Variants in PCDHB14 observed in about 807,000 individuals in gnomAD.
PCDHB14 encodes protocadherin beta-14.
For missense variants in PCDHB14, 1,129 were observed against 1,000.5 expected (o/e 1.13, Z -1.73); for synonymous variants, 511 against 441.5 (o/e 1.16, Z -1.97).
Position 141,225,593 on chromosome 5 carries a change from G to T in PCDHB14, c.2088G>T (p.Ser696=), listed in dbSNP as rs541318724. Residue 696 remains serine (S), a synonymous_variant, in exon 1 of 1, where the codon TCG becomes TCT. Transcript: ENST00000239449. ...LTVYLVVALA[S]VSSLFLFSVL... ...TCTACCTGGTGGTGGCATTGGCCTC[G>T]GTGTCGTCGCTCTTCCTCTTCTCGG... 7 of 1,611,416 alleles carry T rather than the reference G, an allele frequency of 4.3e-6. No homozygotes were observed. The highest frequency in any genetic ancestry group is 1.3e-5 in the African/African-American group (1 of 74,900).
Position 141,224,101 on chromosome 5 carries a change from C to G in PCDHB14, c.596C>G (p.Ala199Gly), listed in dbSNP as rs564196616. The change falls in exon 1 of 1, where the codon GCT becomes GGT. Residue 199 changes from alanine (A) to glycine (G), a missense_variant. Physicochemically the swap from Ala to Gly is moderately conservative, Grantham distance 60. Coordinates refer to ENST00000239449, the MANE Select transcript of PCDHB14 (RefSeq NM_018934.4). Reference sequence around the variant, plus strand: ...TACCCAGAGCTGGTCCTAGATAGAGCTTTAGATTATGAACAGGAAGCTGAA... The same window carrying G: ...TACCCAGAGCTGGTCCTAGATAGAGGTTTAGATTATGAACAGGAAGCTGAA... ...KIYPELVLDR[A>G]LDYEQEAELR... The G allele has an allele frequency of 6.2e-7, 1 of 1,613,982 alleles. No homozygotes were observed. The highest frequency in any genetic ancestry group is 8.5e-7 in the Non-Finnish European group (1 of 1,180,006).
Position 141,224,219 on chromosome 5 carries a change from T to A in PCDHB14, c.714T>A (p.Asn238Lys), listed in dbSNP as rs201611345. The change falls in exon 1 of 1, where the codon AAT becomes AAA. Residue 238 changes from asparagine (N) to lysine (K), a missense_variant. Coordinates refer to ENST00000239449, the MANE Select transcript of PCDHB14 (RefSeq NM_018934.4). ...TCAAGGTGTTGGACATCAATGATAA[T>A]GCCCCTGAGTTTCCTCAGAGTCTCT... Reference protein sequence around the residue: ...VLIKVLDINDNAPEFPQSLYE... With the variant: ...VLIKVLDINDKAPEFPQSLYE... 2.5e-6 allele frequency: 4 copies of A among 1,613,832 alleles called. No individual in the cohort carries two copies. Among genetic ancestry groups the A allele is most frequent in the Non-Finnish European group, 3.4e-6 (4 of 1,179,844 alleles).
In PCDHB14 at chr5:141,223,412, A is replaced by G; in HGVS notation, c.-94A>G. On this transcript the variant is annotated 5_prime_UTR_variant, in exon 1 of 1. Transcript: ENST00000239449. ...CGCCTACAGAGCTGCTGGAGGATAC[A>G]CTCTCCAGGGGGTTCCTGTTAAAAA... is the stretch of plus-strand genomic sequence containing the variant. 2.3e-6 allele frequency: 2 copies of G among 875,872 alleles called. No homozygotes were observed. Among genetic ancestry groups the G allele is most frequent in the Non-Finnish European group, 3.6e-6 (2 of 551,662 alleles). 54.3% of individuals were successfully genotyped at this position (875,872 alleles called of 1,614,324 possible). A position where few individuals can be genotyped will look rare whatever the true frequency, so the allele number is the denominator to read the frequency against.
rs1754850652 is a variant in PCDHB14, at chr5:141,225,876, A to G, written c.2371A>G (p.Asn791Asp). The G allele has an allele frequency of 1.2e-6, 2 of 1,613,716 alleles. No homozygotes were observed. The highest frequency in any genetic ancestry group is 2.2e-5 in the South Asian group (2 of 90,988). Reference sequence around the variant, plus strand: ...TATGGGGGAAATCGAGAACTTTCGAAATAGCTTTGGACTTAACATTCAATA... The same window carrying G: ...TATGGGGGAAATCGAGAACTTTCGAGATAGCTTTGGACTTAACATTCAATA... ...RNMGEIENFRNSFGLNIQ is the reference protein window; with the variant it reads ...RNMGEIENFRDSFGLNIQ The change falls in exon 1 of 1, where the codon AAT (asparagine) becomes GAT (aspartate). Residue 791 changes from asparagine (N) to aspartate (D), a missense_variant. Coordinates refer to ENST00000239449, the MANE Select transcript of PCDHB14 (RefSeq NM_018934.4).
chr5:141,223,598 A>C lies in PCDHB14; in HGVS notation c.93A>C (p.Ala31=). Residue 31 remains alanine, a synonymous_variant, in exon 1 of 1, where the codon GCA becomes GCC. Transcript: ENST00000239449. Reference sequence around the variant, plus strand: ...TGTCTCGGGCAGGTACTGAATCTGCACACTATTCTGTGGCAGAGGAAACAG... The same window carrying C: ...TGTCTCGGGCAGGTACTGAATCTGCCCACTATTCTGTGGCAGAGGAAACAG... ...LGLSRAGTES[A]HYSVAEETEI... is the part of the protein sequence containing the mutation. 1 of 1,614,128 alleles carries C rather than the reference A, an allele frequency of 6.2e-7. No homozygotes were observed. Among genetic ancestry groups the C allele is most frequent in the Non-Finnish European group, 8.5e-7 (1 of 1,179,960 alleles).
rs1754853027 is a variant in PCDHB14, at chr5:141,225,973, T to C, written c.*71T>C. ...TGATGGTACTTTTTGCATAATCTTT[T>C]GTGGATTCTTGGTTGTACTGTAGTT... On this transcript the variant is annotated 3_prime_UTR_variant, in exon 1 of 1. Coordinates refer to ENST00000239449, the MANE Select transcript of PCDHB14 (RefSeq NM_018934.4). 10 of 1,377,582 alleles carry C rather than the reference T, an allele frequency of 7.3e-6. No individual in the cohort carries two copies. The Admixed American group carries it at 1.2e-4, about 16-fold the overall frequency. The allele number at this position is 1,377,582 out of a possible 1,614,324, so 85.3% of individuals were successfully genotyped here.
In PCDHB14 at chr5:141,225,661, C is replaced by T. The variant is rs1754842208; in HGVS notation, c.2156C>T (p.Ala719Val). 1 of 1,613,654 alleles carries T rather than the reference C, an allele frequency of 6.2e-7. No individual in the cohort carries two copies. Among genetic ancestry groups the T allele is most frequent in the Non-Finnish European group, 8.5e-7 (1 of 1,180,034 alleles). Residue 719 changes from alanine to valine, a missense_variant, in exon 1 of 1, where the codon GCG becomes GTG. Ala to Val is a moderately conservative substitution (Grantham distance 64, BLOSUM62 0). Coordinates refer to ENST00000239449, the MANE Select transcript of PCDHB14 (RefSeq NM_018934.4). ...GTGCGGCTGTGCAGGAGGAGCAGGG[C>T]GGCCTCGGTGGGTCGCTGCTCGGTG... is the stretch of plus-strand genomic sequence containing the variant. ...VAVRLCRRSR[A>V]ASVGRCSVPE...
rs1437124515 is a variant in PCDHB14, at chr5:141,227,546, C to G, written c.*1644C>G. ...TGTACATATACATTTTGAAATTGCTCTTACAAGATTAAATACTATTATAGA... is the reference window on the plus strand; with the variant it reads ...TGTACATATACATTTTGAAATTGCTGTTACAAGATTAAATACTATTATAGA... On this transcript the variant is annotated 3_prime_UTR_variant, in exon 1 of 1. Transcript: ENST00000239449. The G allele has an allele frequency of 6.6e-6, 1 of 152,108 alleles. No individual in the cohort carries two copies. Among genetic ancestry groups the G allele is most frequent in the Non-Finnish European group, 1.5e-5 (1 of 68,012 alleles). 9.4% of individuals were successfully genotyped at this position (152,108 alleles called of 1,614,324 possible). A position where few individuals can be genotyped will look rare whatever the true frequency, so the allele number is the denominator to read the frequency against.
rs1157139664 is a variant in PCDHB14 at position 141,225,431 on chromosome 5, G to C, written c.1926G>C (p.Val642=). The change falls in exon 1 of 1, where the codon GTG becomes GTC. Residue 642 remains valine (V), a synonymous_variant. Transcript: ENST00000239449. Reference sequence around the variant, plus strand: ...ACGCGGCCAAGCACAGGCTGGTGGTGCTGGTCAAGGACAATGGCGAGCCTC... The same window carrying C: ...ACGCGGCCAAGCACAGGCTGGTGGTCCTGGTCAAGGACAATGGCGAGCCTC... The part of the protein sequence containing the change: ...ERDAAKHRLV[V]LVKDNGEPPR... The C allele has an allele frequency of 1.2e-6, 2 of 1,604,196 alleles. No homozygotes were observed. Among genetic ancestry groups the C allele is most frequent in the African/African-American group, 2.7e-5 (2 of 74,946 alleles).
chr5:141,224,026 C>A lies in PCDHB14; in HGVS notation c.521C>A (p.Pro174His), dbSNP rs373967174. The A allele has an allele frequency of 2.4e-5, 38 of 1,613,420 alleles. No individual in the cohort carries two copies. The highest frequency in any genetic ancestry group is 3.1e-5 in the Non-Finnish European group (37 of 1,179,776). ...SNSLQNYTISPNSHFYIKIPD... is the reference protein window; with the variant it reads ...SNSLQNYTISHNSHFYIKIPD... ...AGTCTCCAAAACTACACAATTAGCC[C>A]CAATTCTCACTTCTACATTAAAATT... Residue 174 changes from proline to histidine, a missense_variant, in exon 1 of 1, where the codon CCC (proline) becomes CAC (histidine). Coordinates refer to ENST00000239449, the MANE Select transcript of PCDHB14 (RefSeq NM_018934.4).
Position 141,227,688 on chromosome 5 carries a change from G to A in PCDHB14, c.*1786G>A, listed in dbSNP as rs879995781. ...GCAATTATCACTGATTTTATTTTTCGTTGTAACAAGTAGTTATTTGTTGTG... is the reference window on the plus strand; with the variant it reads ...GCAATTATCACTGATTTTATTTTTCATTGTAACAAGTAGTTATTTGTTGTG... On this transcript the variant is annotated 3_prime_UTR_variant, in exon 1 of 1. Coordinates refer to ENST00000239449, the MANE Select transcript of PCDHB14 (RefSeq NM_018934.4). The A allele has an allele frequency of 1.1e-4, 16 of 152,032 alleles. No homozygotes were observed. The highest frequency in any genetic ancestry group is 1.9e-4 in the East Asian group (1 of 5,172). The allele number at this position is 152,032 out of a possible 1,614,324, so 9.4% of individuals were successfully genotyped here. A position where few individuals can be genotyped will look rare whatever the true frequency, so the allele number is the denominator to read the frequency against.
rs1358058739 is a variant in PCDHB14, at chr5:141,223,556, C to T, written c.51C>T (p.Phe17=). The part of the protein sequence containing the change: ...LDLRKRQVLI[F]LVLLGLSRAG... ...TGCGAAAAAGGCAAGTTCTAATATT[C>T]CTTGTTTTGCTGGGATTGTCTCGGG... is the stretch of plus-strand genomic sequence containing the variant. Residue 17 remains phenylalanine (F), a synonymous_variant, in exon 1 of 1, where the codon TTC becomes TTT. Coordinates refer to ENST00000239449, the MANE Select transcript of PCDHB14 (RefSeq NM_018934.4). The T allele has an allele frequency of 1.5e-5, 25 of 1,614,000 alleles. No homozygotes were observed. Among genetic ancestry groups the T allele is most frequent in the Non-Finnish European group, 2.0e-5 (24 of 1,179,992 alleles).
Position 141,223,802 on chromosome 5 carries a change from C to A in PCDHB14, c.297C>A (p.Thr99=), listed in dbSNP as rs782692334. The change falls in exon 1 of 1, where the codon ACC becomes ACA. Residue 99 remains threonine, a synonymous_variant. Coordinates refer to ENST00000239449, the MANE Select transcript of PCDHB14 (RefSeq NM_018934.4). ...ACCGAGACGAGCTGTGTGGCTCCAC[C>A]GAGCCCTGTGTGCTGCATTTTCAGG... is the stretch of plus-strand genomic sequence containing the variant. ...KLDRDELCGS[T]EPCVLHFQVV... is the part of the protein sequence containing the mutation. 6.2e-7 allele frequency: 1 copy of A among 1,614,016 alleles called. No homozygotes were observed. The highest frequency in any genetic ancestry group is 1.1e-5 in the South Asian group (1 of 91,046).
rs567138525 is a variant in PCDHB14 at position 141,225,758 on chromosome 5, C to A, written c.2253C>A (p.Tyr751Ter). 3.7e-6 allele frequency: 6 copies of A among 1,614,198 alleles called. No individual in the cohort carries two copies. The highest frequency in any genetic ancestry group is 2.5e-6 in the Non-Finnish European group (3 of 1,180,046). Residue 751 changes from tyrosine to a stop codon, truncating the protein, a stop_gained, in exon 1 of 1, where the codon TAC (tyrosine) becomes TAA (stop). Transcript: ENST00000239449. LOFTEE classifies it low-confidence loss of function (END_TRUNC). ...GTGTLSQSYQ[Y>*]EVCLTGGSGT... ...GGACCCTGTCCCAGAGCTACCAATA[C>A]GAGGTGTGTCTGACAGGAGGTTCCG... is the stretch of plus-strand genomic sequence containing the variant.
In PCDHB14 at chr5:141,224,623, A is replaced by G. The variant is rs1554289207; in HGVS notation, c.1118A>G (p.Gln373Arg). ...GTAGCTCTTTTTAGTATCCTAGACCAAGACTCTGGAGACAATGGGAGGATG... is the reference window on the plus strand; with the variant it reads ...GTAGCTCTTTTTAGTATCCTAGACCGAGACTCTGGAGACAATGGGAGGATG... ...TLVALFSILD[Q>R]DSGDNGRMIC... The change falls in exon 1 of 1, where the codon CAA becomes CGA. Residue 373 changes from glutamine (Q) to arginine (R), a missense_variant. Gln to Arg is a conservative substitution (Grantham distance 43). Transcript: ENST00000239449. 2.5e-6 allele frequency: 4 copies of G among 1,614,074 alleles called. No individual in the cohort carries two copies. Among genetic ancestry groups the G allele is most frequent in the African/African-American group, 2.7e-5 (2 of 74,922 alleles).
chr5:141,224,492 A>G lies in PCDHB14; in HGVS notation c.987A>G (p.Gly329=), dbSNP rs886769334. 3.7e-6 allele frequency: 6 copies of G among 1,613,446 alleles called. No individual in the cohort carries two copies. In the African/African-American group the frequency reaches 6.7e-5, roughly 18 times the overall value. ...CAACAGATGGTGGGGGTCTTTCAGG[A>G]AAATGCACCCTTCTAGTTAAAGTTA... ...IQATDGGGLS[G]KCTLLVKVMD... Residue 329 remains glycine (G), a synonymous_variant, in exon 1 of 1, where the codon GGA becomes GGG. Transcript: ENST00000239449.
rs1754768161 is a variant in PCDHB14 at position 141,223,745 on chromosome 5, G to A, written c.240G>A (p.Leu80=). Residue 80 remains leucine, a synonymous_variant, in exon 1 of 1, where the codon CTG becomes CTA. Transcript: ENST00000239449. The part of the protein sequence containing the change: ...DNKKYLHLDL[L]TGNLLLNEKL... ...AAAAGTATTTGCACCTTGATTTGCT[G>A]ACTGGGAATTTGCTCCTAAATGAGA... is the stretch of plus-strand genomic sequence containing the variant. 1 of 1,613,942 alleles carries A rather than the reference G, an allele frequency of 6.2e-7. No individual in the cohort carries two copies. Among genetic ancestry groups the A allele is most frequent in the African/African-American group, 1.3e-5 (1 of 74,880 alleles).
In PCDHB14 at chr5:141,224,935, A is replaced by G. The variant is rs782043671; in HGVS notation, c.1430A>G (p.Asp477Gly). The G allele has an allele frequency of 1.7e-5, 27 of 1,612,768 alleles. 1 individual carries two copies. The South Asian group carries it at 3.0e-4, about 18-fold the overall frequency. The change falls in exon 1 of 1, where the codon GAC (aspartate) becomes GGC (glycine). Residue 477 changes from aspartate (D) to glycine (G), a missense_variant. By Grantham distance (94) the Asp-to-Gly change is moderately conservative. Transcript: ENST00000239449. ...CACATCGGCAGCGTCAGCGCCACAG[A>G]CAGAGACTCAGGCACCAACGCCCAG... ...ALHIGSVSATDRDSGTNAQVN... is the reference protein window; with the variant it reads ...ALHIGSVSATGRDSGTNAQVN...
Position 141,223,791 on chromosome 5 carries a change from T to C in PCDHB14, c.286T>C (p.Cys96Arg). The C allele has an allele frequency of 6.2e-7, 1 of 1,614,092 alleles. No individual in the cohort carries two copies. Among genetic ancestry groups the C allele is most frequent in the Non-Finnish European group, 8.5e-7 (1 of 1,180,008 alleles). Residue 96 changes from cysteine (C) to arginine (R), a missense_variant, in exon 1 of 1, where the codon TGT (cysteine) becomes CGT (arginine). Transcript: ENST00000239449. Reference protein sequence around the residue: ...LNEKLDRDELCGSTEPCVLHF... With the variant: ...LNEKLDRDELRGSTEPCVLHF... ...TGAGAAACTAGACCGAGACGAGCTG[T>C]GTGGCTCCACCGAGCCCTGTGTGCT...
Sources: gnomAD v4.1 joint callset for allele counts on GRCh38, gnomAD v4.1.1 for gene constraint, MANE v1.5 for transcripts, NCBI Gene and HGNC (gene_info 2026-07-23, HGNC 2026-07-21) for gene names.